The following CNTN6 variants were observed in gnomAD, a reference collection of about 807,000 sequenced individuals.
CNTN6 encodes the protein contactin-6.
A neutral mutation model predicts 122.8 loss-of-function variants in CNTN6; 137 were observed. The observed-to-expected ratio is 1.12, with a 90% CI of 0.97 to 1.29. CNTN6 has a LOEUF of 1.29. Ranked by LOEUF, CNTN6 falls within the 50% of genes most tolerant of loss-of-function variation. The probability of loss-of-function intolerance (pLI) is 0.00; values close to 1 mark genes in which losing one functional copy is unlikely to be tolerated. For missense variants in CNTN6, 1,634 were observed against 1,223.4 expected (o/e 1.34, Z -5.01); for synonymous variants, 570 against 426.0 (o/e 1.34, Z -4.16).
chr3:1,239,982 T>A (rs1281092855), intron 4 of CNTN6, among the ~76,000 whole-genome samples: 1 of 152,042 alleles, frequency 6.6e-6, no homozygotes, highest in Non-Finnish European at 1.5e-5. Context: ...TGTAGAAGAA[T>A]GAAACTGGAT....
Position 1,182,952 on chromosome 3 carries a change from G to A in CNTN6, c.55+34889G>A, listed in dbSNP as rs547238707. ...AATGTCCAGATTGAATGCATAAAAT[G>A]TATTGTCTCAAGTGATTATTGTTTA... is the stretch of plus-strand genomic sequence containing the variant. On this transcript the variant is annotated intron_variant, in intron 2 of 22. Transcript: ENST00000446702. Among the ~76,000 whole-genome samples, 176 of 152,156 alleles carry A rather than the reference G, an allele frequency of 1.2e-3. 7 individuals are homozygous for A. The South Asian group carries it at 0.035, about 30-fold the overall frequency.
At chr3:1,357,669 G>A (rs775093247) in intron 12 of CNTN6, among the ~76,000 whole-genome samples, 2 of 151,812 alleles carry the variant, frequency 1.3e-5, no homozygotes, top group Non-Finnish European at 2.9e-5. Flanking sequence ...ATTTTACATC[G>A]CATTGTTCAA....
intron 1 of CNTN6, among the ~76,000 whole-genome samples, chr3:1,105,309 C>T (rs966773518): frequency 1.5e-4 from 23 of 151,984 alleles, no homozygotes; most frequent in African/African-American, 5.3e-4. Context: ...GTGTTTGAAC[C>T]ATTCATATCT....
At position 1,403,659 on chromosome 3, in the gene CNTN6, T is replaced by C. The variant is rs891543061; in HGVS notation, c.*241T>C. ...CTAGGTGCCACATTAACCTGGGGAG[T>C]TGTAACTGCTGTGTCTTTTAAGTTA... On this transcript the variant is annotated 3_prime_UTR_variant, in exon 23 of 23. Transcript: ENST00000446702. 7.2e-5 allele frequency: 21 copies of C among 291,804 alleles called. No homozygotes were observed. The highest frequency in any genetic ancestry group is 1.1e-4 in the Non-Finnish European group (17 of 159,810). 18.1% of individuals were successfully genotyped at this position (291,804 alleles called of 1,614,324 possible). A position where few individuals can be genotyped will look rare whatever the true frequency, so the allele number is the denominator to read the frequency against.
At chr3:1,402,598 AT>A (rs1695865917) in intron 22 of CNTN6, 112 bp downstream of exon 22, 1 of 904,228 alleles carries the variant, frequency 1.1e-6, no homozygotes, top group Admixed American at 3.1e-5. Flanking sequence ...GATAAGATAA[AT>A]TTTCAATTGT....
intron 1 of CNTN6, among the ~76,000 whole-genome samples, chr3:1,110,869 A>G (rs2091450238): frequency 6.6e-6 from 1 of 152,118 alleles, no homozygotes; most frequent in African/African-American, 2.4e-5. Context: ...GACAGAATCA[A>G]CCTTACCCTT....
intron 2 of CNTN6, among the ~76,000 whole-genome samples, chr3:1,154,448 C>CTTTTTTTTT (rs771133835): frequency 0.1 from 14,276 of 138,570 alleles, 1,137 homozygotes; most frequent in East Asian, 0.23. Context: ...TCTTTTCTTT[C>CTTTTTTTTT]TTTTTTTTTT....
intron 12 of CNTN6, among the ~76,000 whole-genome samples, chr3:1,362,607 AG>A (rs1206841601): frequency 6.6e-6 from 1 of 152,036 alleles, no homozygotes; most frequent in African/African-American, 2.4e-5. Context: ...TCTAAACTGC[AG>A]CATGGAGAGA....
chr3:1,218,192 T>G (rs181336814), intron 2 of CNTN6, among the ~76,000 whole-genome samples: 38 of 151,930 alleles, frequency 2.5e-4, no homozygotes, highest in Non-Finnish European at 4.7e-4. Flanking sequence ...TGTGGTGGGG[T>G]GGCCTGGCAG....
At chr3:1,329,023 C>T (rs1230534366) in intron 10 of CNTN6, among the ~76,000 whole-genome samples, 1 of 151,184 alleles carries the variant, frequency 6.6e-6, no homozygotes, top group South Asian at 2.1e-4. Flanking sequence ...TTGCTAACCA[C>T]AATACAATAC....
At chr3:1,276,985 A>G (rs1164804661) in intron 4 of CNTN6, among the ~76,000 whole-genome samples, 1 of 152,168 alleles carries the variant, frequency 6.6e-6, no homozygotes, top group Non-Finnish European at 1.5e-5. Context: ...GTGGATCAGG[A>G]ACATCAAAAT....
intron 13 of CNTN6, 58 bp downstream of exon 13, chr3:1,372,532 C>A: frequency 2.2e-6 from 3 of 1,342,062 alleles, no homozygotes; most frequent in African/African-American, 1.5e-5. Context: ...TTACATGAAT[C>A]ACCATTTTTC....
intron 1 of CNTN6, among the ~76,000 whole-genome samples, chr3:1,129,178 T>C (rs2092266645): frequency 6.6e-6 from 1 of 152,080 alleles, no homozygotes; most frequent in East Asian, 1.9e-4. Flanking sequence ...CAGCATGCTA[T>C]TGTGGAACTA....
At chr3:1,251,983 C>A (rs1182614318) in intron 4 of CNTN6, among the ~76,000 whole-genome samples, 2 of 152,112 alleles carry the variant, frequency 1.3e-5, no homozygotes, top group East Asian at 1.9e-4. Flanking sequence ...GTTTCAGTTG[C>A]TTACCTCTAG....
intron 12 of CNTN6, among the ~76,000 whole-genome samples, chr3:1,368,165 C>G (rs537438463): frequency 1.1e-4 from 16 of 152,164 alleles, no homozygotes; most frequent in South Asian, 6.2e-4. Context: ...ATGAGTTTTG[C>G]TTTGTAATTG....
intron 4 of CNTN6, among the ~76,000 whole-genome samples, chr3:1,238,451 C>G (rs888328167): frequency 6.6e-6 from 1 of 152,132 alleles, no homozygotes; most frequent in Admixed American, 6.5e-5. Context: ...ACAATTACTA[C>G]TATACCTAAG....
intron 1 of CNTN6, among the ~76,000 whole-genome samples, chr3:1,103,484 G>A (rs1028935398): frequency 2.6e-5 from 4 of 152,154 alleles, no homozygotes; most frequent in Non-Finnish European, 5.9e-5. Context: ...TTTCTTTAGG[G>A]CACTTAGGTG....
At chr3:1,267,073 G>A (rs907460096) in intron 4 of CNTN6, among the ~76,000 whole-genome samples, 5 of 146,630 alleles carry the variant, frequency 3.4e-5, no homozygotes, top group East Asian at 2.1e-4. Context: ...ACACTGCCAC[G>A]CCCCACTAAT....
chr3:1,191,274 G>T (rs1290048092), intron 2 of CNTN6, among the ~76,000 whole-genome samples: 4 of 152,122 alleles, frequency 2.6e-5, no homozygotes, highest in Non-Finnish European at 5.9e-5. Flanking sequence ...TGGGCTCCTG[G>T]ATAGCTTCAG....
Sources: allele counts gnomAD v4.1 joint callset (sites outside exome capture counted in the v4.1 genomes callset), GRCh38; gene constraint gnomAD v4.1.1; transcripts MANE v1.5; gene names NCBI Gene and HGNC (gene_info 2026-07-23, HGNC 2026-07-21).